GLT8D1: variants seen among roughly 807,000 people sequenced by gnomAD.
The protein encoded by GLT8D1 is glycosyltransferase 8 domain containing 1.
Under a neutral mutation model 46.2 loss-of-function variants are expected in GLT8D1, and 41 were observed. That is an observed-to-expected ratio of 0.89 (90% CI 0.69 to 1.15). The LOEUF (loss-of-function observed/expected upper bound fraction) is 1.15, where lower values mean the gene tolerates loss of function less well. GLT8D1 is among the 50% of genes most tolerant of loss of function. The probability of loss-of-function intolerance (pLI) is 0.00; values close to 1 mark genes in which losing one functional copy is unlikely to be tolerated. For synonymous variants in GLT8D1, 150 were observed against 154.2 expected (o/e 0.97, Z 0.20); for missense variants, 408 against 449.3 (o/e 0.91, Z 0.83).
chr3:52,695,699 A>G (rs1471791979), intron 7 of GLT8D1, 112 bp from the exon 8 acceptor site: 1 of 699,558 alleles, frequency 1.4e-6, no homozygotes, highest in Non-Finnish European at 2.5e-6. Flanking sequence ...TAGAAAATAA[A>G]TATTTGAAAT....
chr3:52,694,926 A>G lies in GLT8D1; in HGVS notation c.1035T>C (p.Val345=). The change falls in exon 10 of 10, where the codon GTT becomes GTC. Residue 345 remains valine, a synonymous_variant. Transcript: ENST00000266014. ...GGTCTGGAATATACCATTTTTCCCA[A>G]ACATCAGTATATGAAGCAGTCCTTC... ...PWGRTASYTD[V]WEKWYIPDPT... The G allele has an allele frequency of 6.2e-7, 1 of 1,611,182 alleles. No homozygotes were observed.
intron 1 of GLT8D1, among the ~76,000 whole-genome samples, chr3:52,704,143 CA>C (rs1321912417): frequency 6.6e-6 from 1 of 151,400 alleles, no homozygotes; most frequent in Non-Finnish European, 1.5e-5. Context: ...TCCAAGGATA[CA>C]AAACTGTGGA....
At position 52,697,916 on chromosome 3, in the gene GLT8D1, G is replaced by A. The variant is rs2097335540; in HGVS notation, c.134C>T (p.Pro45Leu). 1 of 1,611,050 alleles carries A rather than the reference G, an allele frequency of 6.2e-7. No homozygotes were observed. Among genetic ancestry groups the A allele is most frequent in the South Asian group, 1.1e-5 (1 of 91,020 alleles). ...NEVTDSGIVGPQPIDFVPNAL... is the reference protein window; with the variant it reads ...NEVTDSGIVGLQPIDFVPNAL... The stretch of plus-strand genomic sequence containing the variant: ...ATTTGGGACAAAGTCTATAGGTTGA[G>A]GCCCTACAATTCCTGAATCTGAAAA... The change falls in exon 4 of 10, where the codon CCT becomes CTT. Residue 45 changes from proline (P) to leucine (L), a missense_variant. Transcript: ENST00000266014.
chr3:52,701,807 C>T (rs1049043623), intron 1 of GLT8D1, among the ~76,000 whole-genome samples: 1 of 152,198 alleles, frequency 6.6e-6, no homozygotes, highest in Non-Finnish European at 1.5e-5. Flanking sequence ...CAAAACAATT[C>T]AGTGGAAACA....
chr3:52,695,968 G>A lies in GLT8D1; in HGVS notation c.605C>T (p.Ser202Leu), dbSNP rs2097332978. The A allele has an allele frequency of 6.2e-7, 1 of 1,612,360 alleles. No individual in the cohort carries two copies. Among genetic ancestry groups the A allele is most frequent in the African/African-American group, 1.3e-5 (1 of 75,014 alleles). ...ACGGATGACAACTTTAGTAGAGGCT[G>A]AATCACAATCTTCTGAAAATGCAGC... ...HAAAFSEDCDSASTKVVIRGA... is the reference protein window; with the variant it reads ...HAAAFSEDCDLASTKVVIRGA... The change falls in exon 7 of 10, where the codon TCA becomes TTA. Residue 202 changes from serine (S) to leucine (L), a missense_variant. Ser to Leu is a moderately radical substitution (Grantham distance 145). Coordinates refer to ENST00000266014, the MANE Select transcript of GLT8D1 (RefSeq NM_018446.4).
chr3:52,698,879 TTC>T (rs2097336735), intron 3 of GLT8D1, among the ~76,000 whole-genome samples: 1 of 151,912 alleles, frequency 6.6e-6, no homozygotes, highest in South Asian at 2.1e-4. Context: ...ATCCCTAACT[TTC>T]TGAGGATAGA....
At chr3:52,698,681 C>CAA (rs370719829) in intron 3 of GLT8D1, among the ~76,000 whole-genome samples, 4 of 115,198 alleles carry the variant, frequency 3.5e-5, no homozygotes, top group African/African-American at 9.7e-5. Context: ...AACTCCATCT[C>CAA]AAAAAAAAAA....
At chr3:52,704,033 C>T (rs969896627) in intron 1 of GLT8D1, 1 of 152,130 alleles carries the variant, frequency 6.6e-6, no homozygotes, top group African/African-American at 2.4e-5. Context: ...CCAGGACTCC[C>T]CATGTATACA....
chr3:52,694,842 G>GT lies in GLT8D1; in HGVS notation c.*2dup. 6.3e-7 allele frequency: 1 copy of GT among 1,598,910 alleles called. No individual in the cohort carries two copies. The highest frequency in any genetic ancestry group is 8.6e-7 in the Non-Finnish European group (1 of 1,166,334). ...AATGCTTGCTTACAGTTCAAATTCT[G>GT]TTTCACTTTATGTTTGAGATCTCGG... On this transcript the variant is annotated 3_prime_UTR_variant, in exon 10 of 10. Transcript: ENST00000266014.
chr3:52,704,373 C>G (rs181347654), intron 1 of GLT8D1, among the ~76,000 whole-genome samples: 1 of 150,124 alleles, frequency 6.7e-6, no homozygotes, highest in East Asian at 2.0e-4. Context: ...GCAGGACAAT[C>G]CCTTGAACCC....
At position 52,695,265 on chromosome 3, in the gene GLT8D1, T is replaced by C; in HGVS notation, c.850A>G (p.Thr284Ala). ...AATACGATAAGCAGAGGAGGTGTTGTGATGCTACCAGCCAGGGTTCTGCTA... is the reference window on the plus strand; with the variant it reads ...AATACGATAAGCAGAGGAGGTGTTGCGATGCTACCAGCCAGGGTTCTGCTA... ...LYSRTLAGSI[T>A]TPPLLIVFYQ... Residue 284 changes from threonine (T) to alanine (A), a missense_variant, in exon 9 of 10, where the codon ACA becomes GCA. By Grantham distance (58) the Thr-to-Ala change is moderately conservative (BLOSUM62 0). Coordinates refer to ENST00000266014, the MANE Select transcript of GLT8D1 (RefSeq NM_018446.4). The C allele has an allele frequency of 1.2e-6, 2 of 1,613,778 alleles. No individual in the cohort carries two copies. The highest frequency in any genetic ancestry group is 2.2e-5 in the East Asian group (1 of 44,884).
chr3:52,695,862 C>T (rs947464036), intron 7 of GLT8D1, 66 bp downstream of exon 7: 2 of 958,692 alleles, frequency 2.1e-6, no homozygotes, highest in African/African-American at 1.6e-5. Flanking sequence ...AAAGAGTTCC[C>T]TGAATTTGCA....
chr3:52,698,051 T>C (rs1191270707), intron 3 of GLT8D1, 117 bp from the exon 4 acceptor site: 1 of 687,312 alleles, frequency 1.5e-6, no homozygotes, highest in East Asian at 2.6e-5. Context: ...TTCTCCCCCA[T>C]TAAACTGAAG....
At chr3:52,702,269 C>T (rs2097339993) in intron 1 of GLT8D1, among the ~76,000 whole-genome samples, 1 of 152,206 alleles carries the variant, frequency 6.6e-6, no homozygotes, top group Non-Finnish European at 1.5e-5. Context: ...GGGCTGGGCA[C>T]TGTGGCTCAT....
In GLT8D1 at chr3:52,695,585, G is replaced by A. The variant is rs745464391; in HGVS notation, c.648C>T (p.Tyr216=). 12 of 1,582,222 alleles carry A rather than the reference G, an allele frequency of 7.6e-6. No individual in the cohort carries two copies. ...KVVIRGAGNQ[Y]NYIGYLDYKK... ...TATAGTCAAGATAGCCAATGTAATT[G>A]TACTAAAAACACAAATAGGATATAT... Residue 216 remains tyrosine (Y), a splice_region_variant and synonymous_variant, in exon 8 of 10, where the codon TAC becomes TAT. Transcript: ENST00000266014.
chr3:52,705,791 C>T lies in GLT8D1; in HGVS notation c.-381G>A, dbSNP rs550305749. Reference sequence around the variant, plus strand: ...AGAGCGTCGCGCCAAGCAGGCGCCGCGGGGCAGCCCTGCCGCCGGGGTCCT... The same window carrying T: ...AGAGCGTCGCGCCAAGCAGGCGCCGTGGGGCAGCCCTGCCGCCGGGGTCCT... On this transcript the variant is annotated 5_prime_UTR_variant, in exon 1 of 10. Transcript: ENST00000266014. The T allele has an allele frequency of 3.6e-5, 45 of 1,261,566 alleles. No individual in the cohort carries two copies. The East Asian group carries it at 1.0e-3, about 29-fold the overall frequency. The allele number at this position is 1,261,566 out of a possible 1,614,324, so 78.1% of individuals were successfully genotyped here. A position where few individuals can be genotyped will look rare whatever the true frequency, so the allele number is the denominator to read the frequency against.
In GLT8D1 at chr3:52,694,933, G is replaced by A. The variant is rs147971167; in HGVS notation, c.1028C>T (p.Thr343Ile). The change falls in exon 10 of 10, where the codon ACT becomes ATT. Residue 343 changes from threonine (T) to isoleucine (I), a missense_variant. Coordinates refer to ENST00000266014, the MANE Select transcript of GLT8D1 (RefSeq NM_018446.4). ...AATATACCATTTTTCCCAAACATCA[G>A]TATATGAAGCAGTCCTTCCCCATGG... ...LKPWGRTASYTDVWEKWYIPD... is the reference protein window; with the variant it reads ...LKPWGRTASYIDVWEKWYIPD... The A allele has an allele frequency of 6.7e-5, 108 of 1,609,510 alleles. No homozygotes were observed. Among genetic ancestry groups the A allele is most frequent in the Non-Finnish European group, 9.1e-5 (107 of 1,175,892 alleles).
At position 52,695,262 on chromosome 3, in the gene GLT8D1, TTG is replaced by T; in HGVS notation, c.851_852del (p.Thr284AsnfsTer60). ...TAAAATACGATAAGCAGAGGAGGTG[TTG>T]TGATGCTACCAGCCAGGGTTCTGCT... ...LYSRTLAGSI[T>X]TPPLLIVFYQ... is the part of the protein sequence containing the mutation. On this transcript the variant is annotated frameshift_variant, in exon 9 of 10. Transcript: ENST00000266014. LOFTEE classifies it high-confidence loss of function. The T allele has an allele frequency of 6.2e-7, 1 of 1,613,820 alleles. No individual in the cohort carries two copies. The highest frequency in any genetic ancestry group is 1.1e-5 in the South Asian group (1 of 91,052).
chr3:52,700,566 T>A, intron 1 of GLT8D1, 70 bp from the exon 2 acceptor site: 3 of 292,688 alleles, frequency 1.0e-5, no homozygotes, highest in Non-Finnish European at 1.8e-5. Context: ...CCCTAACACT[T>A]TTTTTTTTTT....
Sources: allele counts gnomAD v4.1 joint callset (sites outside exome capture counted in the v4.1 genomes callset), GRCh38; gene constraint gnomAD v4.1.1; transcripts MANE v1.5; gene names NCBI Gene and HGNC (gene_info 2026-07-23, HGNC 2026-07-21).